TNKS1BP1: variants seen among roughly 807,000 people sequenced by gnomAD.
TNKS1BP1 encodes CCR4-NOT transcription complex subunit 12, also known as 182 kDa tankyrase-1-binding protein.
In TNKS1BP1, 48 loss-of-function variants were observed where a neutral mutation model predicts 141.1. That is an observed-to-expected ratio of 0.34 (90% CI 0.27 to 0.43). TNKS1BP1 has a LOEUF of 0.43. Among genes scored for constraint, TNKS1BP1 ranks in the 20% least tolerant of loss-of-function variants. TNKS1BP1 has a pLI of 1.00. For missense variants in TNKS1BP1, 2,149 were observed against 2,226.0 expected, an observed-to-expected ratio of 0.97 and a Z score of 0.70; for synonymous variants, 875 against 898.2, an observed-to-expected ratio of 0.97 and a Z score of 0.46.
At chr11:57,318,007 C>G in intron 3 of TNKS1BP1, 120 bp from the exon 4 acceptor site, 1 of 884,662 alleles carries the variant, frequency 1.1e-6, no homozygotes, top group Non-Finnish European at 1.8e-6. Context: ...ACCCTCCTAG[C>G]CATTTACTCT....
At position 57,309,114 on chromosome 11, in the gene TNKS1BP1, G is replaced by C. The variant is rs1465606409; in HGVS notation, c.3597C>G (p.Ser1199Arg). 1.2e-6 allele frequency: 2 copies of C among 1,613,884 alleles called. No individual in the cohort carries two copies. Among genetic ancestry groups the C allele is most frequent in the African/African-American group, 1.3e-5 (1 of 74,842 alleles). The change falls in exon 6 of 12, where the codon AGC (serine) becomes AGG (arginine). Residue 1199 changes from serine (S) to arginine (R), a missense_variant. Physicochemically the swap from Ser to Arg is moderately radical, Grantham distance 110 (BLOSUM62 -1). Transcript: ENST00000358252. The surrounding 1 kb of genome is among the most constrained non-coding windows in gnomAD (Gnocchi z 4.3). ...VGQMGWSGGL[S>R]LRDMNLTGCL... ...AGCCGGTCAGGTTCATGTCTCTCAA[G>C]CTCAGGCCACCTGACCAGCCCATCT...
chr11:57,323,641 C>T (rs1855918046), intron 1 of TNKS1BP1, among the ~76,000 whole-genome samples: 1 of 152,172 alleles, frequency 6.6e-6, no homozygotes, highest in Non-Finnish European at 1.5e-5. Flanking sequence ...AAACCCAGTA[C>T]TGTCAACCCA....
chr11:57,308,512 C>T lies in TNKS1BP1; in HGVS notation c.4199G>A (p.Gly1400Glu), dbSNP rs752766713. Residue 1400 changes from glycine (G) to glutamate (E), a missense_variant, in exon 6 of 12, where the codon GGG becomes GAG. Coordinates refer to ENST00000358252, the MANE Select transcript of TNKS1BP1 (RefSeq NM_033396.3). ...CTCTGGCCCACTTGTCTCACCAACC[C>T]CCAGCTCCCTGGCCTCCAAGGGGTC... is the stretch of plus-strand genomic sequence containing the variant. ...ARDPLEAREL[G>E]VGETSGPETQ... The T allele has an allele frequency of 3.1e-6, 5 of 1,614,174 alleles. No individual in the cohort carries two copies. Among genetic ancestry groups the T allele is most frequent in the Admixed American group, 1.7e-5 (1 of 60,024 alleles).
chr11:57,311,383 G>A (rs1435592270), intron 5 of TNKS1BP1: 11 of 985,450 alleles, frequency 1.1e-5, no homozygotes, highest in African/African-American at 5.2e-5. Context: ...CCCCCAACCC[G>A]CCTTGGGGCT....
chr11:57,317,542 C>T (rs2134370150), intron 4 of TNKS1BP1, among the ~76,000 whole-genome samples: 1 of 152,366 alleles, frequency 6.6e-6, no homozygotes, highest in East Asian at 1.9e-4. Context: ...ACAGGCCCAG[C>T]ACATAGTAGG....
At position 57,302,604 on chromosome 11, in the gene TNKS1BP1, C is replaced by A. The variant is rs778289958; in HGVS notation, c.4538G>T (p.Gly1513Val). Residue 1513 changes from glycine (G) to valine (V), a missense_variant, in exon 7 of 12, where the codon GGT (glycine) becomes GTT (valine). Transcript: ENST00000358252. This position sits in a 1 kb window ranked among gnomAD's most constrained non-coding sequence, Gnocchi z 5.5. ...CACGTCTTCTGTCTGGCTGGCCTCACCATCAGGCTGCGGCCTCCAGGAGGG... is the reference window on the plus strand; with the variant it reads ...CACGTCTTCTGTCTGGCTGGCCTCAACATCAGGCTGCGGCCTCCAGGAGGG... ...SPPSWRPQPDGEASQTEDVDG... is the reference protein window; with the variant it reads ...SPPSWRPQPDVEASQTEDVDG... 1.9e-6 allele frequency: 3 copies of A among 1,612,834 alleles called. No homozygotes were observed. Among genetic ancestry groups the A allele is most frequent in the Non-Finnish European group, 2.5e-6 (3 of 1,179,918 alleles).
Position 57,312,738 on chromosome 11 carries a change from G to A in TNKS1BP1, c.1950C>T (p.Ala650=), listed in dbSNP as rs567644664. 2.6e-5 allele frequency: 41 copies of A among 1,586,152 alleles called. No homozygotes were observed. The highest frequency in any genetic ancestry group is 1.7e-4 in the Middle Eastern group (1 of 5,920). Reference sequence around the variant, plus strand: ...TGGTCTCAGCCCGGGCTAGGGTCACGGCCTCCTCCTCAACAGGCAGTGCCT... The same window carrying A: ...TGGTCTCAGCCCGGGCTAGGGTCACAGCCTCCTCCTCAACAGGCAGTGCCT... ...PGQALPVEEE[A]VTLARAETTQ... is the part of the protein sequence containing the mutation. The change falls in exon 5 of 12, where the codon GCC becomes GCT. Residue 650 remains alanine, a synonymous_variant. Transcript: ENST00000358252.
intron 11 of TNKS1BP1, 77 bp downstream of exon 11, chr11:57,300,451 G>T: frequency 7.4e-7 from 1 of 1,356,630 alleles, no homozygotes; most frequent in Non-Finnish European, 1.0e-6. Flanking sequence ...CTAAGGGACA[G>T]AAGGGGCATG....
intron 10 of TNKS1BP1, 51 bp downstream of exon 10, chr11:57,300,833 A>C: frequency 1.3e-6 from 2 of 1,578,190 alleles, no homozygotes; most frequent in Non-Finnish European, 1.7e-6. Flanking sequence ...TTCCCTTTTC[A>C]TCAGGGTAAT....
chr11:57,323,248 T>C (rs141629580), intron 1 of TNKS1BP1, among the ~76,000 whole-genome samples: 80 of 152,060 alleles, frequency 5.3e-4, no homozygotes, highest in African/African-American at 1.8e-3. Context: ...TCCCAGACCA[T>C]TCCTTCACTC....
rs375083980 is a variant in TNKS1BP1 at position 57,302,120 on chromosome 11, C to T, written c.4788G>A (p.Leu1596=). The T allele has an allele frequency of 1.2e-6, 2 of 1,613,848 alleles. No homozygotes were observed. Among genetic ancestry groups the T allele is most frequent in the Non-Finnish European group, 1.7e-6 (2 of 1,179,984 alleles). The part of the protein sequence containing the change: ...PVIRPGGTLG[L]SEAADSDAHL... The stretch of plus-strand genomic sequence containing the variant: ...GTGCATCCGAGTCTGCTGCCTCCGA[C>T]AGGCCCAAGGTACCCCCAGGCCGAA... The change falls in exon 8 of 12, where the codon CTG becomes CTA. Residue 1596 remains leucine (L), a synonymous_variant. Transcript: ENST00000358252. The surrounding 1 kb of genome is among the most constrained non-coding windows in gnomAD (Gnocchi z 5.5).
At chr11:57,308,051 G>C (rs1220467725) in intron 6 of TNKS1BP1, among the ~76,000 whole-genome samples, 1 of 152,192 alleles carries the variant, frequency 6.6e-6, no homozygotes, top group Admixed American at 6.5e-5. Flanking sequence ...TGAGAGGCCT[G>C]GGGAACGGCT....
chr11:57,313,635 G>C lies in TNKS1BP1; in HGVS notation c.1053C>G (p.Thr351=). ...CCTCGGCAGGGAGCCCCGGGCTGGGGGTGTGGCGGGAGCCCTCGTCAGGCA... is the reference window on the plus strand; with the variant it reads ...CCTCGGCAGGGAGCCCCGGGCTGGGCGTGTGGCGGGAGCCCTCGTCAGGCA... The part of the protein sequence containing the change: ...AALPDEGSRH[T]PSPGLPAEGA... The change falls in exon 5 of 12, where the codon ACC becomes ACG. Residue 351 remains threonine (T), a synonymous_variant. Coordinates refer to ENST00000358252, the MANE Select transcript of TNKS1BP1 (RefSeq NM_033396.3). The C allele has an allele frequency of 6.4e-7, 1 of 1,561,876 alleles. No individual in the cohort carries two copies. The highest frequency in any genetic ancestry group is 1.4e-5 in the African/African-American group (1 of 74,072).
Position 57,302,595 on chromosome 11 carries a change from C to A in TNKS1BP1, c.4547G>T (p.Ser1516Ile). The A allele has an allele frequency of 6.2e-7, 1 of 1,612,970 alleles. No homozygotes were observed. The highest frequency in any genetic ancestry group is 2.2e-5 in the East Asian group (1 of 44,860). The change falls in exon 7 of 12, where the codon AGC becomes ATC. Residue 1516 changes from serine to isoleucine, a missense_variant. By Grantham distance (142) the Ser-to-Ile change is moderately radical. Coordinates refer to ENST00000358252, the MANE Select transcript of TNKS1BP1 (RefSeq NM_033396.3). The surrounding 1 kb of genome is among the most constrained non-coding windows in gnomAD (Gnocchi z 5.5). ...GGTGCCATCCACGTCTTCTGTCTGG[C>A]TGGCCTCACCATCAGGCTGCGGCCT... ...SWRPQPDGEA[S>I]QTEDVDGTWG...
Position 57,320,730 on chromosome 11 carries a change from T to C in TNKS1BP1, c.95-18A>G. The C allele has an allele frequency of 6.5e-7, 1 of 1,542,876 alleles. No individual in the cohort carries two copies. Among genetic ancestry groups the C allele is most frequent in the South Asian group, 1.2e-5 (1 of 82,038 alleles). Reference sequence around the variant, plus strand: ...AGTGTCACCTACCAAAAGGAAAGGGTTGGTGGGGGAGCTGTCAGAAGAACC... The same window carrying C: ...AGTGTCACCTACCAAAAGGAAAGGGCTGGTGGGGGAGCTGTCAGAAGAACC... On this transcript the variant is annotated intron_variant, in intron 2 of 11. Transcript: ENST00000358252.
intron 4 of TNKS1BP1, among the ~76,000 whole-genome samples, chr11:57,315,642 C>T (rs1855787423): frequency 6.6e-6 from 1 of 151,906 alleles, no homozygotes; most frequent in African/African-American, 2.4e-5. Context: ...GTTTTAGCAT[C>T]TTCTCCCGTC....
chr11:57,322,295 A>C (rs1241880636), intron 1 of TNKS1BP1: 28 of 1,007,284 alleles, frequency 2.8e-5, no homozygotes, highest in Non-Finnish European at 3.3e-5. Context: ...CTCAAAGCAG[A>C]GCTAGAGAGC....
At position 57,324,911 on chromosome 11, in the gene TNKS1BP1, A is replaced by ACCGCCG. The variant is rs888381913; in HGVS notation, c.-143_-138dup. On this transcript the variant is annotated 5_prime_UTR_variant, in exon 1 of 12. Transcript: ENST00000358252. ...AGTCCCCGCCGCCGCCGCCGCTGCTACCGCCGCCGCCGCCGCCGTCACCGC... is the reference window on the plus strand; with the variant it reads ...AGTCCCCGCCGCCGCCGCCGCTGCTACCGCCGCCGCCGCCGCCGCCGCCGTCACCGC... The ACCGCCG allele has an allele frequency of 5.1e-6, 5 of 984,904 alleles. No individual in the cohort carries two copies. Among genetic ancestry groups the ACCGCCG allele is most frequent in the Non-Finnish European group, 6.0e-6 (5 of 830,834 alleles). 61.0% of individuals were successfully genotyped at this position (984,904 alleles called of 1,614,324 possible).
At chr11:57,304,115 C>T (rs1855571495) in intron 6 of TNKS1BP1, among the ~76,000 whole-genome samples, 1 of 152,112 alleles carries the variant, frequency 6.6e-6, no homozygotes, top group Admixed American at 6.6e-5. Context: ...CGCATCCCCG[C>T]ATCCCCACAC....
Sources: gnomAD v4.1 joint callset for allele counts (sites outside exome capture counted in the v4.1 genomes callset) on GRCh38, gnomAD v4.1.1 for gene constraint, Gnocchi (gnomAD v3.1) non-coding constraint, MANE v1.5 for transcripts, NCBI Gene and HGNC (gene_info 2026-07-23, HGNC 2026-07-21) for gene names.